Variants in GATAD2B observed in about 807,000 individuals in gnomAD.
GATAD2B encodes the protein transcriptional repressor p66-beta.
In GATAD2B, 8 loss-of-function variants were observed where a neutral mutation model predicts 64.3. The observed-to-expected ratio is 0.12, with a 90% CI of 0.07 to 0.22. The LOEUF (loss-of-function observed/expected upper bound fraction) is 0.22, where lower values mean the gene tolerates loss of function less well. GATAD2B is among the 10% of genes least tolerant of loss of function. The pLI, the probability that GATAD2B is intolerant of heterozygous loss-of-function variation, is 1.00. For missense variants in GATAD2B, 453 were observed against 752.0 expected, an observed-to-expected ratio of 0.60 and a Z score of 4.65; for synonymous variants, 281 against 271.3, an observed-to-expected ratio of 1.04 and a Z score of -0.35.
intron 1 of GATAD2B, among the ~76,000 whole-genome samples, chr1:153,839,533 G>C (rs879367317): frequency 1.3e-5 from 2 of 152,100 alleles, no homozygotes; most frequent in Admixed American, 6.5e-5. Flanking sequence ...GAAGCCTATA[G>C]TTATATAATG....
At chr1:153,918,798 A>C (rs2101974214) in intron 1 of GATAD2B, among the ~76,000 whole-genome samples, 1 of 152,260 alleles carries the variant, frequency 6.6e-6, no homozygotes, top group South Asian at 2.1e-4. Context: ...TAAAAATACA[A>C]AAATTAGCCA....
At chr1:153,826,049 G>C (rs1674864492) in intron 2 of GATAD2B, among the ~76,000 whole-genome samples, 1 of 151,254 alleles carries the variant, frequency 6.6e-6, no homozygotes, top group Non-Finnish European at 1.5e-5. Context: ...TGTCGCCCAG[G>C]CTGGAGTGCA....
intron 1 of GATAD2B, among the ~76,000 whole-genome samples, chr1:153,861,310 G>A (rs915264659): frequency 6.6e-6 from 1 of 152,018 alleles, no homozygotes; most frequent in Non-Finnish European, 1.5e-5. Flanking sequence ...CTAGCACTCT[G>A]GAAGGCCAAC....
At chr1:153,914,297 AAAT>A (rs1357696537) in intron 1 of GATAD2B, among the ~76,000 whole-genome samples, 6 of 152,102 alleles carry the variant, frequency 3.9e-5, no homozygotes, top group Admixed American at 3.9e-4. Context: ...TAATGATTAA[AAAT>A]AATACAGTGC....
intron 1 of GATAD2B, among the ~76,000 whole-genome samples, chr1:153,896,174 T>A (rs6659220): frequency 0.29 from 44,427 of 151,110 alleles, 6,715 homozygotes; most frequent in Admixed American, 0.39. Context: ...AAATATATTT[T>A]AAAAAAAATC....
chr1:153,920,945 C>G (rs1678411597), intron 1 of GATAD2B, among the ~76,000 whole-genome samples: 1 of 152,156 alleles, frequency 6.6e-6, no homozygotes, highest in African/African-American at 2.4e-5. Context: ...CCAGTCCATT[C>G]CCAAATGGCC....
intron 1 of GATAD2B, among the ~76,000 whole-genome samples, chr1:153,897,856 G>A (rs919013838): frequency 2.0e-5 from 3 of 151,780 alleles, no homozygotes; most frequent in African/African-American, 7.3e-5. Flanking sequence ...CAAATATTTC[G>A]TTCCCTGGGC....
chr1:153,840,413 C>A (rs1294743418), intron 1 of GATAD2B, among the ~76,000 whole-genome samples: 1 of 151,878 alleles, frequency 6.6e-6, no homozygotes, highest in African/African-American at 2.4e-5. Context: ...TCTCGGCTCA[C>A]CGCAACCTCC....
intron 9 of GATAD2B, 37 bp downstream of exon 9, chr1:153,811,982 ATCT>A (rs745908128): frequency 1.5e-6 from 2 of 1,371,466 alleles, no homozygotes; most frequent in Non-Finnish European, 2.1e-6. Flanking sequence ...TGGCTGATAA[ATCT>A]TCTAAAGAAA....
At chr1:153,878,817 G>A (rs1051768568) in intron 1 of GATAD2B, among the ~76,000 whole-genome samples, 4 of 123,090 alleles carry the variant, frequency 3.2e-5, no homozygotes, top group Admixed American at 2.2e-4. Context: ...TTGCTGTGTC[G>A]CCCAGGCTGG....
At chr1:153,839,984 C>T (rs984082181) in intron 1 of GATAD2B, among the ~76,000 whole-genome samples, 1 of 147,868 alleles carries the variant, frequency 6.8e-6, no homozygotes, top group Non-Finnish European at 1.5e-5. Context: ...AAACAAAAAG[C>T]TGTTTTGGTT....
intron 1 of GATAD2B, among the ~76,000 whole-genome samples, chr1:153,872,045 C>T (rs761297697): frequency 2.6e-5 from 4 of 151,858 alleles, no homozygotes; most frequent in African/African-American, 4.8e-5. Flanking sequence ...AGGCTAGGCG[C>T]GGTGGCTCAT....
At chr1:153,890,187 GA>G (rs1286344695) in intron 1 of GATAD2B, among the ~76,000 whole-genome samples, 60 of 135,002 alleles carry the variant, frequency 4.4e-4, no homozygotes, top group African/African-American at 9.8e-4. Context: ...AAAAAAAAAA[GA>G]AAAAAAAAGA....
At chr1:153,920,534 G>A (rs1466438359) in intron 1 of GATAD2B, among the ~76,000 whole-genome samples, 1 of 152,218 alleles carries the variant, frequency 6.6e-6, no homozygotes, top group Non-Finnish European at 1.5e-5. Flanking sequence ...ACTGTTCCTA[G>A]AAAAGTATTT....
At chr1:153,872,091 G>A (rs1676686700) in intron 1 of GATAD2B, among the ~76,000 whole-genome samples, 2 of 152,034 alleles carry the variant, frequency 1.3e-5, no homozygotes, top group South Asian at 4.2e-4. Context: ...GCTGCGGTAG[G>A]CGGATCACTT....
intron 1 of GATAD2B, among the ~76,000 whole-genome samples, chr1:153,874,582 T>C (rs371198222): frequency 6.6e-6 from 1 of 152,212 alleles, no homozygotes; most frequent in East Asian, 1.9e-4. Flanking sequence ...GTTTTTTTGT[T>C]GTTTTTGTTT....
chr1:153,860,635 G>C (rs1323456182), intron 1 of GATAD2B, among the ~76,000 whole-genome samples: 1 of 151,460 alleles, frequency 6.6e-6, no homozygotes, highest in Non-Finnish European at 1.5e-5. Context: ...GCCACTGGTA[G>C]TTAAAATTCA....
At chr1:153,842,695 C>A (rs1373290575) in intron 1 of GATAD2B, among the ~76,000 whole-genome samples, 2 of 152,140 alleles carry the variant, frequency 1.3e-5, no homozygotes, top group African/African-American at 2.4e-5. Context: ...ACTCGTTGCC[C>A]AGGCTGGAGT....
At chr1:153,868,853 G>C (rs1676564003) in intron 1 of GATAD2B, among the ~76,000 whole-genome samples, 1 of 151,262 alleles carries the variant, frequency 6.6e-6, no homozygotes, top group South Asian at 2.1e-4. Context: ...TCCTGCCTCA[G>C]CCTCCCGAGT....
Sources: gnomAD v4.1 joint callset for allele counts (sites outside exome capture counted in the v4.1 genomes callset) on GRCh38, gnomAD v4.1.1 for gene constraint, MANE v1.5 for transcripts, NCBI Gene and HGNC (gene_info 2026-07-23, HGNC 2026-07-21) for gene names.